The following FTCDNL1 variants were observed in gnomAD, a reference collection of about 807,000 sequenced individuals.
FTCDNL1 encodes the protein formiminotransferase N-terminal subdomain-containing protein.
A neutral mutation model predicts 5.9 loss-of-function variants in FTCDNL1; 11 were observed. That is an observed-to-expected ratio of 1.87 (90% confidence interval 1.18 to 3.10). The LOEUF (loss-of-function observed/expected upper bound fraction) is 3.10. Ranked by LOEUF, FTCDNL1 falls within the 30% of genes most tolerant of loss-of-function variation. The probability of loss-of-function intolerance (pLI) is 0.00; values close to 1 mark genes in which losing one functional copy is unlikely to be tolerated. For synonymous variants in FTCDNL1, 58 were observed against 24.8 expected (o/e 2.34, Z -3.99); for missense variants, 115 against 65.5 (o/e 1.76, Z -2.61).
the FTCDNL1 span, among the ~76,000 whole-genome samples, chr2:199,701,571 A>G: frequency 1.7e-4 from 26 of 152,352 alleles, no homozygotes; most frequent in East Asian, 3.9e-4. Context: ...ATGTCCATCA[A>G]TGGTGGACTG....
chr2:199,713,578 A>C, the FTCDNL1 span, among the ~76,000 whole-genome samples: 1 of 152,216 alleles, frequency 6.6e-6, no homozygotes, highest in Non-Finnish European at 1.5e-5. Flanking sequence ...TGTGTATTTT[A>C]AAGTTCTTAA....
intron 3 of FTCDNL1, among the ~76,000 whole-genome samples, chr2:199,802,844 G>A (rs2106409340): frequency 6.6e-6 from 1 of 152,188 alleles, no homozygotes; most frequent in South Asian, 2.1e-4. Flanking sequence ...GTCCAGGGGA[G>A]GAAGTCACAA....
chr2:199,785,775 C>A (rs1699611981), intron 3 of FTCDNL1, among the ~76,000 whole-genome samples: 1 of 152,114 alleles, frequency 6.6e-6, no homozygotes, highest in Admixed American at 6.6e-5. Flanking sequence ...TGTGCACCAC[C>A]ATGCCTGGCT....
chr2:199,708,794 A>G, the FTCDNL1 span, among the ~76,000 whole-genome samples: 1 of 152,204 alleles, frequency 6.6e-6, no homozygotes, highest in East Asian at 1.9e-4. Context: ...GTCTTTGACC[A>G]AATGAAGTTT....
the FTCDNL1 span, among the ~76,000 whole-genome samples, chr2:199,742,920 C>T: frequency 1.3e-5 from 2 of 152,082 alleles, no homozygotes; most frequent in African/African-American, 2.4e-5. Context: ...AAATGGGTCT[C>T]GCAAAAACCC....
the FTCDNL1 span, among the ~76,000 whole-genome samples, chr2:199,732,817 G>C: frequency 6.6e-6 from 1 of 152,188 alleles, no homozygotes; most frequent in Non-Finnish European, 1.5e-5. Flanking sequence ...TAGGATAAGT[G>C]ATCAAGGGAC....
intron 2 of FTCDNL1, among the ~76,000 whole-genome samples, chr2:199,847,640 T>C (rs1358857752): frequency 6.6e-6 from 1 of 152,236 alleles, no homozygotes; most frequent in Non-Finnish European, 1.5e-5. Context: ...ATAATAGCTA[T>C]AATTCCATTT....
chr2:199,810,921 T>C lies in FTCDNL1; in HGVS notation c.*1784A>G, dbSNP rs1339822395. Among the ~76,000 whole-genome samples, 1 of 152,208 alleles carries C rather than the reference T, an allele frequency of 6.6e-6. No homozygotes were observed. On this transcript the variant is annotated 3_prime_UTR_variant, in exon 5 of 5. Transcript: ENST00000420128. ...TCAGAGAAATGCCTTCTGGGTTCAC[T>C]TTTCCCTAGACTACGATGGTTTGGG...
At chr2:199,764,879 G>C (rs937535045) in intron 3 of FTCDNL1, among the ~76,000 whole-genome samples, 1 of 152,102 alleles carries the variant, frequency 6.6e-6, no homozygotes, top group African/African-American at 2.4e-5. Flanking sequence ...TACTCCCCCT[G>C]ACCCAGGCAT....
At chr2:199,763,470 G>A (rs1698366510) in intron 3 of FTCDNL1, among the ~76,000 whole-genome samples, 1 of 152,130 alleles carries the variant, frequency 6.6e-6, no homozygotes, top group African/African-American at 2.4e-5. Flanking sequence ...GGTTCACTGG[G>A]GATCTTCATA....
chr2:199,827,129 A>C (rs6718118), intron 3 of FTCDNL1, among the ~76,000 whole-genome samples: 125,774 of 152,176 alleles, frequency 0.83, 52,091 homozygotes, highest in Admixed American at 0.89. Flanking sequence ...CACAGCCCAC[A>C]TTTGAAGAAT....
At chr2:199,712,206 T>C in the FTCDNL1 span, among the ~76,000 whole-genome samples, 5 of 152,156 alleles carry the variant, frequency 3.3e-5, no homozygotes, top group African/African-American at 1.2e-4. Flanking sequence ...TAAAATTTTA[T>C]TCAAAATTGA....
At chr2:199,847,260 T>C (rs1452074804) in intron 2 of FTCDNL1, among the ~76,000 whole-genome samples, 1 of 151,906 alleles carries the variant, frequency 6.6e-6, no homozygotes, top group Non-Finnish European at 1.5e-5. Flanking sequence ...CACTTAAAAA[T>C]AAATGCCTTT....
chr2:199,675,139 T>C, the FTCDNL1 span, among the ~76,000 whole-genome samples: 3 of 152,204 alleles, frequency 2.0e-5, no homozygotes, highest in African/African-American at 7.2e-5. Context: ...GAAGGTACTT[T>C]GTGTCTGCAT....
intron 3 of FTCDNL1, among the ~76,000 whole-genome samples, chr2:199,774,769 T>C (rs1019907734): frequency 6.6e-6 from 1 of 152,202 alleles, no homozygotes; most frequent in Non-Finnish European, 1.5e-5. Context: ...CTCAGGTTTT[T>C]CTGTCCTTGA....
chr2:199,765,546 A>T (rs1333043620), intron 3 of FTCDNL1, among the ~76,000 whole-genome samples: 2 of 56,358 alleles, frequency 3.5e-5, no homozygotes, highest in Middle Eastern at 6.8e-3. Flanking sequence ...ATATATATAT[A>T]TATATATATA....
chr2:199,842,448 T>C (rs1214030716), intron 3 of FTCDNL1, among the ~76,000 whole-genome samples: 2 of 152,210 alleles, frequency 1.3e-5, no homozygotes, highest in East Asian at 3.9e-4. Context: ...TCTGCATCAC[T>C]GTTCCCTTTA....
chr2:199,819,419 G>A, intron 4 of FTCDNL1, 153 bp downstream of exon 4: 1 of 605,636 alleles, frequency 1.7e-6, no homozygotes, highest in South Asian at 2.0e-5. Flanking sequence ...AAAGGGCCTG[G>A]GTGAGAGTAA....
the FTCDNL1 span, among the ~76,000 whole-genome samples, chr2:199,748,451 G>A: frequency 6.6e-6 from 1 of 152,128 alleles, no homozygotes; most frequent in Non-Finnish European, 1.5e-5. Context: ...TTCTTCTCCT[G>A]TATTCCTGCC....
Sources: gnomAD v4.1 joint callset for allele counts (sites outside exome capture counted in the v4.1 genomes callset) on GRCh38, gnomAD v4.1.1 for gene constraint, MANE v1.5 for transcripts, NCBI Gene and HGNC (gene_info 2026-07-23, HGNC 2026-07-21) for gene names.